Variants in NFIC observed in about 807,000 individuals in gnomAD.
The protein encoded by NFIC is nuclear factor 1 C-type.
Under a neutral mutation model 54.4 loss-of-function variants are expected in NFIC, and 12 were observed. The observed-to-expected ratio is 0.22, with a 90% CI of 0.14 to 0.36. NFIC has a LOEUF of 0.36. Among genes scored for constraint, NFIC ranks in the 10% least tolerant of loss-of-function variants. The pLI is 1.00. For missense variants in NFIC, 575 were observed against 718.2 expected, an observed-to-expected ratio of 0.80 and a Z score of 2.28; for synonymous variants, 322 against 319.2, an observed-to-expected ratio of 1.01 and a Z score of -0.09.
upstream of NFIC, chr19:3,366,545 GTTGGGGGGGGCGGGGGGGTGGT>G (rs2080887443): frequency 1.5e-5 from 8 of 520,260 alleles, no homozygotes; most frequent in Non-Finnish European, 2.3e-5. Flanking sequence ...GGGGGGGGGG[GTTGGGGGGGGCGGGGGGGTGGT>G]TTGGAAAAAT....
intron 7 of NFIC, among the ~76,000 whole-genome samples, chr19:3,450,738 A>G (rs1017023767): frequency 4.7e-4 from 71 of 152,350 alleles, no homozygotes; most frequent in African/African-American, 1.6e-3. Context: ...AGGAAGCCTC[A>G]AATATTGCTT....
intron 10 of NFIC, 69 bp downstream of exon 10, chr19:3,456,704 G>T: frequency 7.6e-7 from 1 of 1,316,200 alleles, no homozygotes; most frequent in South Asian, 1.3e-5. Flanking sequence ...GGGGGCTCAG[G>T]GCGAAGAGGG....
At chr19:3,430,947 GAAAAGA>G (rs1485288555) in intron 3 of NFIC, among the ~76,000 whole-genome samples, 1 of 122,432 alleles carries the variant, frequency 8.2e-6, no homozygotes, top group Non-Finnish European at 1.8e-5. Context: ...AAAAAAAAAA[GAAAAGA>G]AAAAGAAAGA....
intron 1 of NFIC, among the ~76,000 whole-genome samples, chr19:3,380,223 C>G (rs1352349222): frequency 6.8e-6 from 1 of 146,060 alleles, no homozygotes; most frequent in Non-Finnish European, 1.5e-5. Flanking sequence ...CCAGGATGGT[C>G]TCAATCTCCT....
intron 3 of NFIC, among the ~76,000 whole-genome samples, chr19:3,427,575 T>C (rs542956279): frequency 1.3e-4 from 19 of 151,904 alleles, no homozygotes; most frequent in African/African-American, 4.3e-4. Flanking sequence ...ACGCCTGTAA[T>C]CCCAGCACTT....
At position 3,441,631 on chromosome 19, in the gene NFIC, C is replaced by A. The variant is rs553733140; in HGVS notation, c.958+6424C>A. Among the ~76,000 whole-genome samples the A allele has an allele frequency of 4.6e-5, 7 of 152,350 alleles. No individual in the cohort carries two copies. In the South Asian group the frequency reaches 1.4e-3, roughly 32 times the overall value. Reference sequence around the variant, plus strand: ...TCCCAGTGGGGCCCAGCTGTAACCTCATTGGTGGACCGAGGCAAGGGCCAG... The same window carrying A: ...TCCCAGTGGGGCCCAGCTGTAACCTAATTGGTGGACCGAGGCAAGGGCCAG... On this transcript the variant is annotated intron_variant, in intron 6 of 10. Coordinates refer to ENST00000443272, the MANE Select transcript of NFIC (RefSeq NM_001245002.2).
At chr19:3,434,892 T>C (rs1191722818) in intron 5 of NFIC, among the ~76,000 whole-genome samples, 191 bp from the exon 6 acceptor site, 1 of 152,208 alleles carries the variant, frequency 6.6e-6, no homozygotes, top group Non-Finnish European at 1.5e-5. Flanking sequence ...GGGTGTCCCA[T>C]CCAAGCAATG....
chr19:3,428,931 C>G (rs915871407), intron 3 of NFIC, among the ~76,000 whole-genome samples: 1 of 151,936 alleles, frequency 6.6e-6, no homozygotes, highest in Non-Finnish European at 1.5e-5. Flanking sequence ...CTTCAGAATG[C>G]GTGGCCCTGA....
intron 4 of NFIC, among the ~76,000 whole-genome samples, chr19:3,433,991 G>A (rs1392753934): frequency 2.6e-5 from 4 of 152,062 alleles, no homozygotes; most frequent in Non-Finnish European, 4.4e-5. Flanking sequence ...AGTCCTGGGC[G>A]CTGTCCTTCT....
At chr19:3,432,861 C>G (rs879569009) in intron 3 of NFIC, among the ~76,000 whole-genome samples, 1 of 151,684 alleles carries the variant, frequency 6.6e-6, no homozygotes, top group East Asian at 1.9e-4. Flanking sequence ...TTTTAGGAGA[C>G]AGGGTTTCAC....
rs571057541 is a variant in NFIC, at chr19:3,453,383, G to A, written c.1270-380G>A. Among the ~76,000 whole-genome samples the A allele has an allele frequency of 2.0e-5, 3 of 152,322 alleles. No homozygotes were observed. The highest frequency in any genetic ancestry group is 7.2e-5 in the African/African-American group (3 of 41,566). ...GAGCTTTTCGGACTTTGGAACCACG[G>A]GCCAGGCCGTGGATGATGGTGGATG... On this transcript the variant is annotated intron_variant, in intron 8 of 10. Coordinates refer to ENST00000443272, the MANE Select transcript of NFIC (RefSeq NM_001245002.2). The surrounding 1 kb of genome is among the most constrained non-coding windows in gnomAD (Gnocchi z 6.7).
upstream of NFIC, among the ~76,000 whole-genome samples, chr19:3,364,371 G>A (rs2080855376): frequency 6.6e-6 from 1 of 152,192 alleles, no homozygotes; most frequent in African/African-American, 2.4e-5. Flanking sequence ...CCATTTCACA[G>A]AGGGAGAGCC....
In NFIC at chr19:3,453,843, A is replaced by G. The variant is rs1270006574; in HGVS notation, c.1350A>G (p.Pro450=). The G allele has an allele frequency of 6.3e-7, 1 of 1,578,808 alleles. No individual in the cohort carries two copies. The highest frequency in any genetic ancestry group is 1.2e-5 in the South Asian group (1 of 86,718). ...TGGCACCTCCGCCCCCGGGGCTGCCACGGCTGGCGCTCCCCCCTGCCACCA... is the reference window on the plus strand; with the variant it reads ...TGGCACCTCCGCCCCCGGGGCTGCCGCGGCTGGCGCTCCCCCCTGCCACCA... The part of the protein sequence containing the change: ...QMLAPPPPGL[P]RLALPPATKP... Residue 450 remains proline, a synonymous_variant, in exon 9 of 11, where the codon CCA becomes CCG. Coordinates refer to ENST00000443272, the MANE Select transcript of NFIC (RefSeq NM_001245002.2). The surrounding 1 kb of genome is among the most constrained non-coding windows in gnomAD (Gnocchi z 6.7).
chr19:3,400,607 G>A (rs189584798), intron 2 of NFIC, among the ~76,000 whole-genome samples: 25 of 152,274 alleles, frequency 1.6e-4, no homozygotes, highest in Admixed American at 1.0e-3. Context: ...GTGGGGGGCC[G>A]AGGCGGGCAG....
At chr19:3,392,381 TA>T (rs2081390219) in intron 2 of NFIC, among the ~76,000 whole-genome samples, 1 of 152,062 alleles carries the variant, frequency 6.6e-6, no homozygotes, top group Non-Finnish European at 1.5e-5. Flanking sequence ...CTAAATGAGA[TA>T]ATATCTATGA....
At chr19:3,398,562 C>G (rs1229611949) in intron 2 of NFIC, among the ~76,000 whole-genome samples, 1 of 152,140 alleles carries the variant, frequency 6.6e-6, no homozygotes, top group Non-Finnish European at 1.5e-5. Context: ...CTTCTTCTGC[C>G]TGGGAGGGGG....
chr19:3,373,403 C>A (rs2081054520), intron 1 of NFIC, among the ~76,000 whole-genome samples: 1 of 152,032 alleles, frequency 6.6e-6, no homozygotes, highest in Non-Finnish European at 1.5e-5. Flanking sequence ...CCAGCCTGTC[C>A]TTGTCCCCTC....
At chr19:3,378,071 C>G (rs1023339653) in intron 1 of NFIC, among the ~76,000 whole-genome samples, 2 of 151,650 alleles carry the variant, frequency 1.3e-5, no homozygotes, top group African/African-American at 4.8e-5. Context: ...ATGGTGAAAC[C>G]CCATCTCTAC....
rs1408466311 is a variant in NFIC, at chr19:3,458,807, G to T, written c.1509+2172G>T. On this transcript the variant is annotated intron_variant, in intron 10 of 10. Coordinates refer to ENST00000443272, the MANE Select transcript of NFIC (RefSeq NM_001245002.2). The surrounding 1 kb of genome is among the most constrained non-coding windows in gnomAD (Gnocchi z 4.1). ...GAGGGAGGGAGTGGACACCCACCAG[G>T]CCTGGGAGTCAGAACTTTCTGGAGC... Among the ~76,000 whole-genome samples, 1 of 152,078 alleles carries T rather than the reference G, an allele frequency of 6.6e-6. No homozygotes were observed. The highest frequency in any genetic ancestry group is 1.5e-5 in the Non-Finnish European group (1 of 68,004).
Sources: gnomAD v4.1 joint callset for allele counts (sites outside exome capture counted in the v4.1 genomes callset) on GRCh38, gnomAD v4.1.1 for gene constraint, Gnocchi (gnomAD v3.1) non-coding constraint, MANE v1.5 for transcripts, NCBI Gene and HGNC (gene_info 2026-07-23, HGNC 2026-07-21) for gene names.